The following ADARB2 variants were observed in gnomAD, a reference collection of about 807,000 sequenced individuals.
The protein encoded by ADARB2 is inactive double-stranded RNA-specific editase B2.
ADARB2 carries 25 observed loss-of-function variants against 62.2 expected under a neutral mutation model. The observed-to-expected ratio is 0.40, with a 90% confidence interval of 0.29 to 0.56. The LOEUF (loss-of-function observed/expected upper bound fraction) is 0.56, where lower values mean the gene tolerates loss of function less well. ADARB2 is among the 20% of genes least tolerant of loss of function. The pLI, the probability that ADARB2 is intolerant of heterozygous loss-of-function variation, is 0.43. For missense variants in ADARB2, 1,071 were observed against 1,077.4 expected (o/e 0.99, Z 0.08); for synonymous variants, 572 against 500.8 (o/e 1.14, Z -1.90).
At chr10:1,553,565 G>A (rs560290710) in intron 1 of ADARB2, among the ~76,000 whole-genome samples, 84 of 152,336 alleles carry the variant, frequency 5.5e-4, no homozygotes, top group Middle Eastern at 6.8e-3. Context: ...AAAGGAACGC[G>A]ATGCTCTAAC....
chr10:1,425,131 C>T (rs997652359), intron 1 of ADARB2, among the ~76,000 whole-genome samples: 9 of 152,134 alleles, frequency 5.9e-5, no homozygotes, highest in Non-Finnish European at 1.3e-4. Context: ...CTCTGTTTTG[C>T]TCCATGGTAT....
chr10:1,554,377 G>A (rs541962161), intron 1 of ADARB2, among the ~76,000 whole-genome samples: 1 of 152,276 alleles, frequency 6.6e-6, no homozygotes, highest in Non-Finnish European at 1.5e-5. Context: ...TTGTTCTCAC[G>A]GTTGGGCTGT....
chr10:1,543,998 C>CAAAAAAA (rs779186191), intron 1 of ADARB2, among the ~76,000 whole-genome samples: 1 of 81,986 alleles, frequency 1.2e-5, no homozygotes, highest in Non-Finnish European at 2.6e-5. Flanking sequence ...GGCAGGTGAC[C>CAAAAAAA]AAAAAAAAAA....
intron 1 of ADARB2, among the ~76,000 whole-genome samples, chr10:1,711,537 T>A (rs1834949001): frequency 6.6e-6 from 1 of 152,192 alleles, no homozygotes; most frequent in African/African-American, 2.4e-5. Flanking sequence ...TACTAAGGTG[T>A]TTTCCTCCAC....
At chr10:1,649,602 T>A (rs138348138) in intron 1 of ADARB2, among the ~76,000 whole-genome samples, 2 of 152,248 alleles carry the variant, frequency 1.3e-5, no homozygotes, top group Non-Finnish European at 2.9e-5. Flanking sequence ...AATTGGTTGA[T>A]TGCTTTGCCA....
intron 4 of ADARB2, among the ~76,000 whole-genome samples, chr10:1,258,919 T>C (rs1223915881): frequency 1.3e-5 from 2 of 152,126 alleles, no homozygotes; most frequent in Non-Finnish European, 2.9e-5. Flanking sequence ...CCTCAGCAAA[T>C]GTAAAAGAAC....
At chr10:1,604,562 C>T (rs1292266423) in intron 1 of ADARB2, among the ~76,000 whole-genome samples, 1 of 152,166 alleles carries the variant, frequency 6.6e-6, no homozygotes, top group Non-Finnish European at 1.5e-5. Flanking sequence ...TTTCACACCA[C>T]AATCAGAAAT....
At chr10:1,254,317 C>T (rs1031679221) in intron 4 of ADARB2, among the ~76,000 whole-genome samples, 13 of 152,168 alleles carry the variant, frequency 8.5e-5, no homozygotes, top group East Asian at 1.9e-4. Context: ...TCACCAGAAC[C>T]GTCTACCTTC....
Position 1,737,357 on chromosome 10 carries a change from C to T in ADARB2, c.-207G>A. The T allele has an allele frequency of 1.8e-6, 1 of 551,884 alleles. No individual in the cohort carries two copies. The highest frequency in any genetic ancestry group is 3.1e-5 in the Admixed American group (1 of 31,832). The allele number at this position is 551,884 out of a possible 1,614,324, so 34.2% of individuals were successfully genotyped here. ...GACTTGCTCCCACTGGGCTGGGGGC[C>T]TCGGCTGGGCGCCTGGAGCGAGCTG... On this transcript the variant is annotated 5_prime_UTR_variant, in exon 1 of 10. Coordinates refer to ENST00000381312, the MANE Select transcript of ADARB2 (RefSeq NM_018702.4).
chr10:1,345,043 G>A (rs984156435), intron 3 of ADARB2, among the ~76,000 whole-genome samples: 2 of 152,040 alleles, frequency 1.3e-5, no homozygotes, highest in Admixed American at 6.5e-5. Flanking sequence ...GGAAACCGCC[G>A]CAGCCTGGCA....
intron 1 of ADARB2, among the ~76,000 whole-genome samples, chr10:1,632,299 TGC>T (rs1833853145): frequency 6.6e-6 from 1 of 152,106 alleles, no homozygotes; most frequent in East Asian, 1.9e-4. Context: ...ACTACACACA[TGC>T]GCACACACAC....
intron 1 of ADARB2, among the ~76,000 whole-genome samples, chr10:1,665,793 C>G (rs1268288592): frequency 6.6e-6 from 1 of 152,202 alleles, no homozygotes; most frequent in African/African-American, 2.4e-5. Context: ...GGCCTTGTGT[C>G]CCCCAGAGAA....
intron 1 of ADARB2, among the ~76,000 whole-genome samples, chr10:1,695,143 G>A (rs1182122652): frequency 6.6e-6 from 1 of 152,184 alleles, no homozygotes; most frequent in Non-Finnish European, 1.5e-5. Context: ...ACCACCAGCA[G>A]CCTCAGATGG....
chr10:1,534,055 G>A (rs944057912), intron 1 of ADARB2, among the ~76,000 whole-genome samples: 4 of 152,046 alleles, frequency 2.6e-5, no homozygotes, highest in Non-Finnish European at 5.9e-5. Context: ...GAGAGAGAGA[G>A]AGAGAGAGAT....
chr10:1,435,621 T>G (rs1830827566), intron 1 of ADARB2, among the ~76,000 whole-genome samples: 1 of 149,328 alleles, frequency 6.7e-6, no homozygotes, highest in Non-Finnish European at 1.5e-5. Context: ...CCCCTCTCTC[T>G]CCTTCCACTT....
Position 1,586,134 on chromosome 10 carries a change from G to A in ADARB2, c.100+150917C>T, listed in dbSNP as rs546778941. On this transcript the variant is annotated intron_variant, in intron 1 of 9. Transcript: ENST00000381312. Reference sequence around the variant, plus strand: ...CAGGACCTACTGAGGCTGTGTCATGGGTGCATCCTTAACCTTGGCAAAATA... The same window carrying A: ...CAGGACCTACTGAGGCTGTGTCATGAGTGCATCCTTAACCTTGGCAAAATA... 1.1e-4 allele frequency among the ~76,000 whole-genome samples: 17 copies of A among 152,264 alleles called. No individual in the cohort carries two copies. In the South Asian group the frequency reaches 3.5e-3, roughly 32 times the overall value.
intron 1 of ADARB2, among the ~76,000 whole-genome samples, chr10:1,425,198 C>T (rs1284406543): frequency 6.6e-6 from 1 of 152,160 alleles, no homozygotes; most frequent in Non-Finnish European, 1.5e-5. Context: ...ACTACGGTTT[C>T]AGGAACAAGA....
At chr10:1,247,279 A>G (rs368959877) in intron 4 of ADARB2, among the ~76,000 whole-genome samples, 19 of 152,322 alleles carry the variant, frequency 1.2e-4, no homozygotes, top group Admixed American at 7.2e-4. Flanking sequence ...CTGCAAACAG[A>G]GACAATTTGA....
chr10:1,355,267 G>A (rs1047745800), intron 3 of ADARB2, among the ~76,000 whole-genome samples: 7 of 152,302 alleles, frequency 4.6e-5, no homozygotes, highest in African/African-American at 7.2e-5. Flanking sequence ...AGTGTTCTGT[G>A]TCCTCCATCA....
Sources: gnomAD v4.1 joint callset for allele counts (sites outside exome capture counted in the v4.1 genomes callset) on GRCh38, gnomAD v4.1.1 for gene constraint, MANE v1.5 for transcripts, NCBI Gene and HGNC (gene_info 2026-07-23, HGNC 2026-07-21) for gene names.